Variants in SLIT2 observed in about 807,000 individuals in gnomAD.
The protein encoded by SLIT2 is slit guidance ligand 2, also known as slit homolog 2 protein.
SLIT2 carries 41 observed loss-of-function variants against 185.7 expected under a neutral mutation model. That is an observed-to-expected ratio of 0.22 (90% CI 0.17 to 0.29). SLIT2 has a LOEUF of 0.29. Among genes scored for constraint, SLIT2 ranks in the 10% least tolerant of loss-of-function variants. SLIT2 has a pLI of 1.00. For missense variants in SLIT2, 1,571 were observed against 1,909.0 expected, an observed-to-expected ratio of 0.82 and a Z score of 3.30; for synonymous variants, 693 against 680.2, an observed-to-expected ratio of 1.02 and a Z score of -0.29.
At chr4:20,397,375 A>G (rs79480174) in intron 4 of SLIT2, among the ~76,000 whole-genome samples, 13,810 of 151,830 alleles carry the variant, frequency 0.091, 696 homozygotes, top group South Asian at 0.17. Flanking sequence ...AACAGATACT[A>G]CAAAGCACTT....
chr4:20,594,813 G>A (rs1052181800), intron 30 of SLIT2, among the ~76,000 whole-genome samples: 2 of 152,176 alleles, frequency 1.3e-5, no homozygotes, highest in Non-Finnish European at 2.9e-5. Context: ...TCCTGGCTGT[G>A]GCACTTAGAA....
chr4:20,477,213 A>G lies in SLIT2; in HGVS notation c.468-3503A>G, dbSNP rs533771297. ...GATCATGATTTTTTTTTTTTTTAAG[A>G]CATGGAGTTTTGCTCTTGTTGCCCA... On this transcript the variant is annotated intron_variant, in intron 5 of 36. Transcript: ENST00000504154. Among the ~76,000 whole-genome samples, 5 of 148,186 alleles carry G rather than the reference A, an allele frequency of 3.4e-5. No homozygotes were observed. The East Asian group carries it at 9.9e-4, about 29-fold the overall frequency.
intron 4 of SLIT2, among the ~76,000 whole-genome samples, chr4:20,273,676 A>G (rs1333598575): frequency 6.6e-6 from 1 of 152,162 alleles, no homozygotes; most frequent in African/African-American, 2.4e-5. Context: ...CCTAAGCAAA[A>G]TATACCTTAA....
chr4:20,511,674 C>T (rs796346131), intron 11 of SLIT2, among the ~76,000 whole-genome samples: 17 of 148,996 alleles, frequency 1.1e-4, no homozygotes, highest in African/African-American at 3.7e-4. Context: ...GTGATCCGCC[C>T]GTCTCGGCCT....
At chr4:20,295,288 C>T (rs1716348342) in intron 4 of SLIT2, among the ~76,000 whole-genome samples, 1 of 152,226 alleles carries the variant, frequency 6.6e-6, no homozygotes, top group East Asian at 1.9e-4. Flanking sequence ...GGCCCCTACT[C>T]TTGAAAGTTT....
intron 29 of SLIT2, among the ~76,000 whole-genome samples, chr4:20,575,951 C>A (rs1726056030): frequency 1.3e-5 from 2 of 151,910 alleles, no homozygotes; most frequent in African/African-American, 4.8e-5. Context: ...TTTATAAACT[C>A]TGGGACACCT....
intron 3 of SLIT2, among the ~76,000 whole-genome samples, chr4:20,262,027 A>G (rs760478936): frequency 6.6e-6 from 1 of 151,768 alleles, no homozygotes; most frequent in Non-Finnish European, 1.5e-5. Flanking sequence ...GAGCTCTGAA[A>G]ATATTATTAT....
intron 32 of SLIT2, among the ~76,000 whole-genome samples, chr4:20,597,067 TG>T (rs1297310502): frequency 6.8e-6 from 1 of 147,236 alleles, no homozygotes; most frequent in Non-Finnish European, 1.5e-5. Flanking sequence ...TTTGTTTTGT[TG>T]TTTTTTTTTT....
intron 4 of SLIT2, among the ~76,000 whole-genome samples, chr4:20,403,897 T>TAA (rs11462563): frequency 0.092 from 13,363 of 145,862 alleles, 655 homozygotes; most frequent in South Asian, 0.16. Flanking sequence ...TAACTGGACT[T>TAA]AAAAAAAAAA....
intron 4 of SLIT2, among the ~76,000 whole-genome samples, chr4:20,454,651 T>C (rs980052261): frequency 6.6e-6 from 1 of 152,102 alleles, no homozygotes; most frequent in Non-Finnish European, 1.5e-5. Context: ...TACAGGCAGG[T>C]TTGCCATCTA....
intron 29 of SLIT2, among the ~76,000 whole-genome samples, chr4:20,573,513 A>T (rs1299494316): frequency 6.6e-6 from 1 of 152,170 alleles, no homozygotes; most frequent in Non-Finnish European, 1.5e-5. Flanking sequence ...GAGTGGGAAG[A>T]AGGGGTGGCT....
At chr4:20,369,128 T>C (rs141353689) in intron 4 of SLIT2, among the ~76,000 whole-genome samples, 1 of 152,242 alleles carries the variant, frequency 6.6e-6, no homozygotes, top group East Asian at 1.9e-4. Flanking sequence ...CATTCCTTTC[T>C]CTTTCTTTCC....
chr4:20,350,892 G>A (rs74752059), intron 4 of SLIT2, among the ~76,000 whole-genome samples: 3,325 of 151,998 alleles, frequency 0.022, 105 homozygotes, highest in African/African-American at 0.075. Context: ...ATTAAAATGC[G>A]TATTCTTTCT....
intron 20 of SLIT2, among the ~76,000 whole-genome samples, chr4:20,542,051 A>G (rs551533818): frequency 6.6e-6 from 1 of 152,294 alleles, no homozygotes; most frequent in Admixed American, 6.5e-5. Context: ...CCTATCAGGT[A>G]CATAGAACAA....
At chr4:20,558,774 G>A (rs1454651651) in intron 26 of SLIT2, among the ~76,000 whole-genome samples, 7 of 151,974 alleles carry the variant, frequency 4.6e-5, no homozygotes, top group Non-Finnish European at 7.4e-5. Flanking sequence ...GCACTTTTCA[G>A]CACTGCCCAA....
At position 20,619,275 on chromosome 4, in the gene SLIT2, G is replaced by C; in HGVS notation, c.*266G>C. ...CAGCGATGGGAACCATTGCAACTCG[G>C]GTCCATCTTTGTAACATGCTGAAGA... is the stretch of plus-strand genomic sequence containing the variant. On this transcript the variant is annotated 3_prime_UTR_variant, in exon 37 of 37. Coordinates refer to ENST00000504154, the MANE Select transcript of SLIT2 (RefSeq NM_004787.4). 3.3e-6 allele frequency: 1 copy of C among 302,138 alleles called. No homozygotes were observed. Among genetic ancestry groups the C allele is most frequent in the Non-Finnish European group, 6.2e-6 (1 of 160,978 alleles). 18.7% of individuals were successfully genotyped at this position (302,138 alleles called of 1,614,324 possible).
At chr4:20,410,098 T>G (rs1727099245) in intron 4 of SLIT2, among the ~76,000 whole-genome samples, 1 of 152,172 alleles carries the variant, frequency 6.6e-6, no homozygotes, top group Non-Finnish European at 1.5e-5. Context: ...AAGTTTTGCT[T>G]TTGTTGCAAT....
chr4:20,377,786 C>A (rs1163201615), intron 4 of SLIT2, among the ~76,000 whole-genome samples: 1 of 152,180 alleles, frequency 6.6e-6, no homozygotes, highest in Non-Finnish European at 1.5e-5. Flanking sequence ...GTTTCTCAGA[C>A]TGCTCCCCTT....
intron 4 of SLIT2, among the ~76,000 whole-genome samples, chr4:20,294,690 A>T (rs960882333): frequency 6.6e-6 from 1 of 152,198 alleles, no homozygotes; most frequent in African/African-American, 2.4e-5. Context: ...AATTTGTAAA[A>T]GCAGCTATGA....
Sources: allele counts gnomAD v4.1 joint callset (sites outside exome capture counted in the v4.1 genomes callset), GRCh38; gene constraint gnomAD v4.1.1; transcripts MANE v1.5; gene names NCBI Gene and HGNC (gene_info 2026-07-23, HGNC 2026-07-21).